The following PDE10A variants were observed in gnomAD, a reference collection of about 807,000 sequenced individuals.
PDE10A encodes phosphodiesterase 10A, also known as cAMP and cAMP-inhibited cGMP 3',5'-cyclic phosphodiesterase 10A.
Under a neutral mutation model 97.7 loss-of-function variants are expected in PDE10A, and 39 were observed. That is an observed-to-expected ratio of 0.40 (90% CI 0.31 to 0.52). The LOEUF is 0.52. Ranked by LOEUF, PDE10A falls within the 20% of genes least tolerant of loss-of-function variation. The probability of loss-of-function intolerance (pLI) is 0.56; values close to 1 mark genes in which losing one functional copy is unlikely to be tolerated. For synonymous variants in PDE10A, 371 were observed against 376.8 expected (o/e 0.98, Z 0.18); for missense variants, 731 against 1,047.8 (o/e 0.70, Z 4.17).
chr6:165,514,911 T>C (rs1472429144), intron 2 of PDE10A, among the ~76,000 whole-genome samples: 1 of 152,212 alleles, frequency 6.6e-6, no homozygotes, highest in African/African-American at 2.4e-5. Context: ...TTTGTCCATA[T>C]TTTCCACTTC....
In PDE10A at chr6:165,663,187, G is replaced by T. The variant is rs1790382502; in HGVS notation, c.-376C>A. On this transcript the variant is annotated 5_prime_UTR_variant, in exon 1 of 22. Transcript: ENST00000539869. ...CTCGAAAGCAGCGGAGAAAAGCGCC[G>T]CAGTGCCGCTGCCCGTGGAGGCGGT... 1.3e-5 allele frequency among the ~76,000 whole-genome samples: 2 copies of T among 151,930 alleles called. No individual in the cohort carries two copies. Among genetic ancestry groups the T allele is most frequent in the African/African-American group, 4.8e-5 (2 of 41,416 alleles).
intron 1 of PDE10A, among the ~76,000 whole-genome samples, chr6:165,607,953 C>T (rs1787291658): frequency 6.6e-6 from 1 of 151,980 alleles, no homozygotes; most frequent in Non-Finnish European, 1.5e-5. Context: ...GAACGACCCA[C>T]ATGACTCTGA....
chr6:165,440,456 G>A (rs889548281), intron 5 of PDE10A, among the ~76,000 whole-genome samples: 1 of 152,146 alleles, frequency 6.6e-6, no homozygotes, highest in African/African-American at 2.4e-5. Context: ...TAACAAAGGG[G>A]CAGGGGGAAG....
chr6:165,859,264 C>T (rs78641876), intron 1 of PDE10A, among the ~76,000 whole-genome samples: 6,394 of 152,288 alleles, frequency 0.042, 158 homozygotes, highest in Middle Eastern at 0.078. Context: ...CTAGACAGCG[C>T]ACCAGCACTG....
At chr6:165,879,178 T>A (rs1343218996) in intron 1 of PDE10A, among the ~76,000 whole-genome samples, 4 of 152,240 alleles carry the variant, frequency 2.6e-5, no homozygotes, top group Non-Finnish European at 5.9e-5. Context: ...TTGTTTATAA[T>A]TTGACTCATT....
chr6:165,513,746 A>C (rs901942767), intron 2 of PDE10A, among the ~76,000 whole-genome samples: 1 of 152,186 alleles, frequency 6.6e-6, no homozygotes, highest in South Asian at 2.1e-4. Context: ...ACTTCTGCTA[A>C]ATGTCTTAAG....
intron 1 of PDE10A, among the ~76,000 whole-genome samples, chr6:165,673,301 A>G (rs2128437051): frequency 6.6e-6 from 1 of 152,368 alleles, no homozygotes. Flanking sequence ...AAAAGCCAAC[A>G]TGGTATTTAG....
chr6:165,454,767 A>C (rs1777849228), intron 3 of PDE10A, among the ~76,000 whole-genome samples: 2 of 152,200 alleles, frequency 1.3e-5, no homozygotes, highest in Non-Finnish European at 2.9e-5. Context: ...ACACAAAACA[A>C]AGATAACAGT....
chr6:165,968,265 G>C (rs958839800), intron 1 of PDE10A, among the ~76,000 whole-genome samples: 1 of 152,218 alleles, frequency 6.6e-6, no homozygotes, highest in African/African-American at 2.4e-5. Flanking sequence ...TATGCAAAAT[G>C]TCAGGTTTAA....
chr6:165,648,066 T>C (rs983733071), intron 1 of PDE10A, among the ~76,000 whole-genome samples: 2 of 152,156 alleles, frequency 1.3e-5, no homozygotes, highest in African/African-American at 4.8e-5. Context: ...CAGGCTGGAG[T>C]GCAGTGTGCA....
chr6:165,854,605 C>G (rs970924759), intron 1 of PDE10A, among the ~76,000 whole-genome samples: 1 of 152,138 alleles, frequency 6.6e-6, no homozygotes, highest in Non-Finnish European at 1.5e-5. Context: ...CTGGCCTCGC[C>G]GTCTTGTCTT....
At chr6:165,342,461 A>C (rs1269212511) in intron 19 of PDE10A, among the ~76,000 whole-genome samples, 2 of 152,248 alleles carry the variant, frequency 1.3e-5, no homozygotes, top group African/African-American at 4.8e-5. Flanking sequence ...CCGGGAGTAT[A>C]ATCAACTCAA....
intron 1 of PDE10A, among the ~76,000 whole-genome samples, chr6:165,810,670 C>A (rs62427302): frequency 0.065 from 9,864 of 152,168 alleles, 411 homozygotes; most frequent in South Asian, 0.11. Context: ...TACAAGCCTC[C>A]TCTTCCCCTA....
chr6:165,409,416 G>A lies in PDE10A; in HGVS notation c.2076+4085C>T, dbSNP rs142017878. ...ACAAAAATTAGCCAGACATGGTAAC[G>A]CATGCCTGTAATCCCAGCTACTGGG... On this transcript the variant is annotated intron_variant, in intron 13 of 21. Transcript: ENST00000539869. The A allele has an allele frequency of 2.1e-3, 319 of 152,466 alleles. 1 individual carries two copies. Among genetic ancestry groups the A allele is most frequent in the African/African-American group, 7.4e-3 (308 of 41,562 alleles). The allele number at this position is 152,466 out of a possible 1,614,324, so 9.4% of individuals were successfully genotyped here. A position where few individuals can be genotyped will look rare whatever the true frequency, so the allele number is the denominator to read the frequency against.
intron 1 of PDE10A, among the ~76,000 whole-genome samples, chr6:165,842,190 A>G (rs936835268): frequency 6.6e-6 from 1 of 152,216 alleles, no homozygotes; most frequent in Admixed American, 6.5e-5. Context: ...TTGAAAGATA[A>G]TGTTATACAT....
chr6:165,388,282 G>A lies in PDE10A; in HGVS notation c.2610+16C>T, dbSNP rs545004903. On this transcript the variant is annotated intron_variant, in intron 17 of 21. Transcript: ENST00000539869. The surrounding 1 kb of genome is among the most constrained non-coding windows in gnomAD (Gnocchi z 4.0). ...AGCCCTTCAGACTAAGCGAGAGACGGCGTGCAGTGACTCACCTGGAGGATG... is the reference window on the plus strand; with the variant it reads ...AGCCCTTCAGACTAAGCGAGAGACGACGTGCAGTGACTCACCTGGAGGATG... 3 of 1,613,138 alleles carry A rather than the reference G, an allele frequency of 1.9e-6. No individual in the cohort carries two copies. In the South Asian group the frequency reaches 3.3e-5, roughly 18 times the overall value.
chr6:165,947,564 G>C (rs1160306395), intron 1 of PDE10A, among the ~76,000 whole-genome samples: 1 of 152,112 alleles, frequency 6.6e-6, no homozygotes, highest in Admixed American at 6.5e-5. Flanking sequence ...GGAAAGAGAG[G>C]GTAAATAATG....
At chr6:165,753,050 C>A (rs884671) in intron 1 of PDE10A, among the ~76,000 whole-genome samples, 3 of 152,094 alleles carry the variant, frequency 2.0e-5, no homozygotes, top group Admixed American at 1.3e-4. Context: ...TGTATCTATG[C>A]GTAGCTGTCA....
chr6:165,457,991 G>A (rs2128255146), intron 3 of PDE10A, among the ~76,000 whole-genome samples: 1 of 152,098 alleles, frequency 6.6e-6, no homozygotes, highest in Non-Finnish European at 1.5e-5. Flanking sequence ...TATCCAGAAG[G>A]CCAACAATAA....
Sources: gnomAD v4.1 joint callset for allele counts (sites outside exome capture counted in the v4.1 genomes callset) on GRCh38, gnomAD v4.1.1 for gene constraint, Gnocchi (gnomAD v3.1) non-coding constraint, MANE v1.5 for transcripts, NCBI Gene and HGNC (gene_info 2026-07-23, HGNC 2026-07-21) for gene names.